PPIP5K2: variants seen among roughly 807,000 people sequenced by gnomAD.
PPIP5K2 encodes the protein diphosphoinositol pentakisphosphate kinase 2.
Under a neutral mutation model 154.6 loss-of-function variants are expected in PPIP5K2, and 105 were observed. That is an observed-to-expected ratio of 0.68 (90% confidence interval 0.58 to 0.80). The LOEUF is 0.80. Among genes scored for constraint, PPIP5K2 ranks in the 30% least tolerant of loss-of-function variants. The pLI, the probability that PPIP5K2 is intolerant of heterozygous loss-of-function variation, is 0.00. For missense variants in PPIP5K2, 992 were observed against 1,504.6 expected, an observed-to-expected ratio of 0.66 and a Z score of 5.64; for synonymous variants, 480 against 490.3, an observed-to-expected ratio of 0.98 and a Z score of 0.28.
rs1003383850 is a variant in PPIP5K2 at position 103,167,280 on chromosome 5, T to G, written c.2022T>G (p.Thr674=). The change falls in exon 18 of 31, where the codon ACT becomes ACG. Residue 674 remains threonine (T), a synonymous_variant. Transcript: ENST00000358359. Reference sequence around the variant, plus strand: ...TTTATTCCTTAATTCAGAGTTTGACTTCTCAAATCAGACATCGAATGGAAG... The same window carrying G: ...TTTATTCCTTAATTCAGAGTTTGACGTCTCAAATCAGACATCGAATGGAAG... The part of the protein sequence containing the change: ...DKVYSLIQSL[T]SQIRHRMEDP... 2 of 1,589,904 alleles carry G rather than the reference T, an allele frequency of 1.3e-6. No individual in the cohort carries two copies. Among genetic ancestry groups the G allele is most frequent in the Non-Finnish European group, 1.7e-6 (2 of 1,168,288 alleles).
At chr5:103,173,000 A>T (rs916720276) in intron 19 of PPIP5K2, among the ~76,000 whole-genome samples, 155 bp from the exon 20 acceptor site, 1 of 151,902 alleles carries the variant, frequency 6.6e-6, no homozygotes, top group African/African-American at 2.4e-5. Flanking sequence ...AAAATCATAC[A>T]TTTGCAGTTG....
intron 5 of PPIP5K2, among the ~76,000 whole-genome samples, chr5:103,142,944 A>G (rs1793095370): frequency 6.6e-6 from 1 of 152,184 alleles, no homozygotes; most frequent in East Asian, 1.9e-4. Context: ...AATAACTACA[A>G]CAACTTTTTA....
chr5:103,135,179 T>G (rs1361271819), intron 3 of PPIP5K2, among the ~76,000 whole-genome samples: 5 of 152,196 alleles, frequency 3.3e-5, no homozygotes, highest in African/African-American at 9.7e-5. Context: ...ATTGAGCACT[T>G]ACTATGCCAG....
intron 6 of PPIP5K2, 37 bp from the exon 7 acceptor site, chr5:103,147,892 ATT>A: frequency 8.3e-7 from 1 of 1,201,522 alleles, no homozygotes; most frequent in Non-Finnish European, 1.2e-6. Flanking sequence ...GAGGGAAATA[ATT>A]TGCTTTTTTA....
intron 17 of PPIP5K2, among the ~76,000 whole-genome samples, chr5:103,165,720 T>A (rs1554217633): frequency 6.6e-6 from 1 of 152,126 alleles, no homozygotes; most frequent in Non-Finnish European, 1.5e-5. Context: ...TAACTCGTTT[T>A]AAGATGGGAC....
intron 30 of PPIP5K2, among the ~76,000 whole-genome samples, chr5:103,197,692 C>T (rs570352578): frequency 6.7e-6 from 1 of 149,006 alleles, no homozygotes; most frequent in Admixed American, 6.8e-5. Context: ...TCTCCTGTCT[C>T]GGCCTCCTAA....
chr5:103,156,019 A>G (rs782089249), intron 14 of PPIP5K2, 25 bp downstream of exon 14: 12 of 1,454,270 alleles, frequency 8.3e-6, no homozygotes, highest in Non-Finnish European at 1.2e-5. Context: ...ATGCTTATAC[A>G]GTAGTTTTAT....
At chr5:103,197,496 A>G (rs1338406554) in intron 30 of PPIP5K2, among the ~76,000 whole-genome samples, 1 of 150,624 alleles carries the variant, frequency 6.6e-6, no homozygotes, top group Non-Finnish European at 1.5e-5. Flanking sequence ...GGGATTTATC[A>G]ATTTTGTTTA....
intron 29 of PPIP5K2, among the ~76,000 whole-genome samples, chr5:103,191,762 C>T (rs968724858): frequency 6.6e-6 from 1 of 152,048 alleles, no homozygotes; most frequent in Admixed American, 6.6e-5. Context: ...TTGTCGTTTT[C>T]AGCTCTATAG....
chr5:103,160,149 C>T (rs934909977), intron 17 of PPIP5K2, among the ~76,000 whole-genome samples: 13 of 152,154 alleles, frequency 8.5e-5, no homozygotes, highest in African/African-American at 2.9e-4. Context: ...ATATATACTA[C>T]ACTTTCTTTA....
chr5:103,135,667 A>G (rs782613680), intron 3 of PPIP5K2, among the ~76,000 whole-genome samples: 17 of 151,356 alleles, frequency 1.1e-4, no homozygotes, highest in African/African-American at 1.7e-4. Context: ...CCTGGCATCA[A>G]GCACTCCTCC....
At chr5:103,165,142 T>G (rs1207018374) in intron 17 of PPIP5K2, among the ~76,000 whole-genome samples, 1 of 152,116 alleles carries the variant, frequency 6.6e-6, no homozygotes, top group Non-Finnish European at 1.5e-5. Context: ...GTCATCAAAT[T>G]CCATTAAGTT....
At chr5:103,169,719 A>C (rs1554219020) in intron 19 of PPIP5K2, among the ~76,000 whole-genome samples, 1 of 151,774 alleles carries the variant, frequency 6.6e-6, no homozygotes, top group African/African-American at 2.4e-5. Context: ...GGAAACATTT[A>C]CTTAGGAAAC....
intron 3 of PPIP5K2, among the ~76,000 whole-genome samples, chr5:103,134,977 T>C (rs2149477612): frequency 6.6e-6 from 1 of 152,308 alleles, no homozygotes; most frequent in East Asian, 1.9e-4. Context: ...CAGCTTTTTG[T>C]TTTAATTTCA....
At position 103,159,282 on chromosome 5, in the gene PPIP5K2, A is replaced by T. The variant is rs1490810858; in HGVS notation, c.1874A>T (p.Glu625Val). Residue 625 changes from glutamate to valine, a missense_variant, in exon 17 of 31, where the codon GAA becomes GTA. Coordinates refer to ENST00000358359, the MANE Select transcript of PPIP5K2 (RefSeq NM_001276277.3). ...CAACGTGTGAAGGCAAGGCTTCATG[A>T]AATACTTCAGAAAGACAGAGATTTT... ...CQQRVKARLH[E>V]ILQKDRDFTA... 6.2e-7 allele frequency: 1 copy of T among 1,612,802 alleles called. No homozygotes were observed. The highest frequency in any genetic ancestry group is 1.3e-5 in the African/African-American group (1 of 74,828).
chr5:103,177,701 A>G lies in PPIP5K2; in HGVS notation c.2564A>G (p.Asp855Gly). Residue 855 changes from aspartate to glycine, a missense_variant, in exon 22 of 31, where the codon GAT (aspartate) becomes GGT (glycine). Around this residue, in one of 9 missense-constraint regions of PPIP5K2, gnomAD observed 157 missense variants for 281.2 expected, o/e 0.56. Coordinates refer to ENST00000358359, the MANE Select transcript of PPIP5K2 (RefSeq NM_001276277.3). Reference protein sequence around the residue: ...SKDEQWKRAMDYLNVVNELNY... With the variant: ...SKDEQWKRAMGYLNVVNELNY... Reference sequence around the variant, plus strand: ...GATGAACAGTGGAAACGAGCTATGGATTATTTAAACGTTGTCAATGAGCTC... The same window carrying G: ...GATGAACAGTGGAAACGAGCTATGGGTTATTTAAACGTTGTCAATGAGCTC... 1 of 1,611,390 alleles carries G rather than the reference A, an allele frequency of 6.2e-7. No homozygotes were observed. The highest frequency in any genetic ancestry group is 8.5e-7 in the Non-Finnish European group (1 of 1,178,850).
At chr5:103,187,453 G>T (rs1294767498) in intron 28 of PPIP5K2, 77 bp downstream of exon 28, 4 of 1,146,696 alleles carry the variant, frequency 3.5e-6, no homozygotes, top group East Asian at 5.2e-5. Flanking sequence ...CAAAATGTGG[G>T]GTATACAGTA....
intron 7 of PPIP5K2, among the ~76,000 whole-genome samples, chr5:103,148,584 A>G (rs1794106053): frequency 6.6e-6 from 1 of 152,180 alleles, no homozygotes; most frequent in Non-Finnish European, 1.5e-5. Context: ...CTTATTGACC[A>G]CAGGATAATA....
chr5:103,169,190 C>T lies in PPIP5K2; in HGVS notation c.2286+895C>T, dbSNP rs149853211. ...GATAATAAAGGGGTAAGTGGCAAAACATATTGAGATCAGGACTATGTTAGA... is the reference window on the plus strand; with the variant it reads ...GATAATAAAGGGGTAAGTGGCAAAATATATTGAGATCAGGACTATGTTAGA... On this transcript the variant is annotated intron_variant, in intron 19 of 30. Transcript: ENST00000358359. 1.1e-4 allele frequency among the ~76,000 whole-genome samples: 16 copies of T among 151,820 alleles called. No individual in the cohort carries two copies. The East Asian group carries it at 3.1e-3, about 29-fold the overall frequency.
Sources: allele counts gnomAD v4.1 joint callset (sites outside exome capture counted in the v4.1 genomes callset), GRCh38; gene constraint gnomAD v4.1.1; regional missense constraint gnomAD v4.1.1; transcripts MANE v1.5; gene names NCBI Gene and HGNC (gene_info 2026-07-23, HGNC 2026-07-21).